CENPC: variants seen among roughly 807,000 people sequenced by gnomAD.
CENPC encodes centromere protein C.
A neutral mutation model predicts 112.1 loss-of-function variants in CENPC; 63 were observed. The ratio of observed to expected loss-of-function variants is 0.56; its 90% CI spans 0.46 to 0.69. The LOEUF (loss-of-function observed/expected upper bound fraction) is 0.69. CENPC is among the 30% of genes least tolerant of loss of function. The pLI is 0.00. For synonymous variants in CENPC, 333 were observed against 367.6 expected, an observed-to-expected ratio of 0.91 and a Z score of 1.08; for missense variants, 1,000 against 1,103.8, an observed-to-expected ratio of 0.91 and a Z score of 1.33.
At chr4:67,516,666 C>A (rs921338893) in intron 7 of CENPC, among the ~76,000 whole-genome samples, 1 of 151,830 alleles carries the variant, frequency 6.6e-6, no homozygotes, top group Non-Finnish European at 1.5e-5. Context: ...AAAGTCAATA[C>A]AAATACTACA....
At chr4:67,490,865 TATATATATATATAG>T (rs1725236665) in intron 16 of CENPC, among the ~76,000 whole-genome samples, 1 of 23,688 alleles carries the variant, frequency 4.2e-5, no homozygotes, top group South Asian at 2.0e-3. Flanking sequence ...TATATATATA[TATATATATATATAG>T]AAATATATAG....
chr4:67,532,560 T>C (rs1347695672), intron 4 of CENPC, among the ~76,000 whole-genome samples: 4 of 152,312 alleles, frequency 2.6e-5, no homozygotes, highest in South Asian at 4.1e-4. Flanking sequence ...TGGAATACTA[T>C]GCAGCCATAA....
chr4:67,532,317 A>G (rs1200360265), intron 4 of CENPC, among the ~76,000 whole-genome samples: 1 of 152,184 alleles, frequency 6.6e-6, no homozygotes, highest in East Asian at 1.9e-4. Context: ...AACTAGTTCA[A>G]CCATTGTGGA....
intron 12 of CENPC, among the ~76,000 whole-genome samples, chr4:67,504,260 A>C (rs77506922): frequency 0.018 from 2,787 of 152,194 alleles, 69 homozygotes; most frequent in East Asian, 0.097. Flanking sequence ...TACATAGCAA[A>C]ATCTATCAAA....
At chr4:67,491,863 A>G (rs916409519) in intron 16 of CENPC, among the ~76,000 whole-genome samples, 4 of 152,060 alleles carry the variant, frequency 2.6e-5, no homozygotes, top group African/African-American at 9.7e-5. Flanking sequence ...TTCCCCATAA[A>G]CAGCCTCTGT....
chr4:67,504,326 G>T (rs1053169465), intron 12 of CENPC, among the ~76,000 whole-genome samples: 2 of 151,598 alleles, frequency 1.3e-5, no homozygotes, highest in Admixed American at 1.3e-4. Context: ...CAAAGAAAAA[G>T]CAGAAAAACA....
chr4:67,526,999 C>T (rs1473854309), intron 5 of CENPC, among the ~76,000 whole-genome samples: 1 of 151,950 alleles, frequency 6.6e-6, no homozygotes, highest in Non-Finnish European at 1.5e-5. Flanking sequence ...ATGAAATTAC[C>T]AAACACTGGA....
chr4:67,515,256 A>C (rs894406087), intron 7 of CENPC, among the ~76,000 whole-genome samples: 7 of 150,198 alleles, frequency 4.7e-5, no homozygotes, highest in Non-Finnish European at 8.8e-5. Context: ...ACTTGAGGTC[A>C]GGAGTTCAAG....
rs1384566383 is a variant in CENPC, at chr4:67,468,979, T to C, written c.*3626A>G. ...AATATTACAGAGATGAAGAACAAAT[T>C]AGTGATGATGAAACAGTTCTATGTT... is the stretch of plus-strand genomic sequence containing the variant. On this transcript the variant is annotated 3_prime_UTR_variant, in exon 19 of 19. Coordinates refer to ENST00000273853, the MANE Select transcript of CENPC (RefSeq NM_001812.4). 6.6e-6 allele frequency: 1 copy of C among 152,164 alleles called. No homozygotes were observed. The highest frequency in any genetic ancestry group is 2.4e-5 in the African/African-American group (1 of 41,434). The allele number at this position is 152,164 out of a possible 1,614,324, so 9.4% of individuals were successfully genotyped here.
intron 5 of CENPC, among the ~76,000 whole-genome samples, chr4:67,529,511 A>G (rs1825791): frequency 0.22 from 33,966 of 151,740 alleles, 4,336 homozygotes; most frequent in Middle Eastern, 0.36. Context: ...TTTTTAGTAG[A>G]GATGGAGTTT....
Position 67,469,840 on chromosome 4 carries a change from A to G in CENPC, c.*2765T>C, listed in dbSNP as rs1338449622. 2 of 152,206 alleles carry G rather than the reference A, an allele frequency of 1.3e-5. No individual in the cohort carries two copies. The highest frequency in any genetic ancestry group is 2.9e-5 in the Non-Finnish European group (2 of 68,030). 9.4% of individuals were successfully genotyped at this position (152,206 alleles called of 1,614,324 possible). A position where few individuals can be genotyped will look rare whatever the true frequency, so the allele number is the denominator to read the frequency against. ...AATGGGCACAGAAAGATCACAATTT[A>G]GGGCTGTTGAGAAAACTGAATTGTG... On this transcript the variant is annotated 3_prime_UTR_variant, in exon 19 of 19. Transcript: ENST00000273853.
chr4:67,522,449 C>CT (rs1411427498), intron 5 of CENPC, among the ~76,000 whole-genome samples: 13 of 152,166 alleles, frequency 8.5e-5, no homozygotes, highest in Non-Finnish European at 1.9e-4. Flanking sequence ...GGCTGGGAGT[C>CT]TTTTCTCTCC....
At chr4:67,485,685 T>C (rs1208173486) in intron 17 of CENPC, among the ~76,000 whole-genome samples, 2 of 152,200 alleles carry the variant, frequency 1.3e-5, no homozygotes, top group African/African-American at 4.8e-5. Flanking sequence ...TACTACTTTG[T>C]ACAATGATCA....
rs573437480 is a variant in CENPC, at chr4:67,469,576, C to G, written c.*3029G>C. On this transcript the variant is annotated 3_prime_UTR_variant, in exon 19 of 19. Coordinates refer to ENST00000273853, the MANE Select transcript of CENPC (RefSeq NM_001812.4). Reference sequence around the variant, plus strand: ...GCCAGGCTGGTCTCGAACTCCTGACCTCATGATCCACCCGACTTAGCCTCC... The same window carrying G: ...GCCAGGCTGGTCTCGAACTCCTGACGTCATGATCCACCCGACTTAGCCTCC... 6.6e-6 allele frequency: 1 copy of G among 152,512 alleles called. No individual in the cohort carries two copies. Among genetic ancestry groups the G allele is most frequent in the East Asian group, 1.9e-4 (1 of 5,186 alleles). The allele number at this position is 152,512 out of a possible 1,614,324, so 9.4% of individuals were successfully genotyped here.
intron 13 of CENPC, among the ~76,000 whole-genome samples, chr4:67,494,317 A>G (rs560330621): frequency 8.1e-4 from 124 of 152,212 alleles, no homozygotes; most frequent in Non-Finnish European, 1.5e-3. Context: ...GTTCTTACCT[A>G]TTTTTTGTTT....
In CENPC at chr4:67,493,006, TAAC is replaced by T. The variant is rs1725327126; in HGVS notation, c.2291-12_2291-10del. The T allele has an allele frequency of 6.6e-7, 1 of 1,506,868 alleles. No individual in the cohort carries two copies. The highest frequency in any genetic ancestry group is 1.3e-5 in the South Asian group (1 of 75,758). The allele number at this position is 1,506,868 out of a possible 1,614,324, so 93.3% of individuals were successfully genotyped here. A position where few individuals can be genotyped will look rare whatever the true frequency, so the allele number is the denominator to read the frequency against. On this transcript the variant is annotated splice_polypyrimidine_tract_variant and intron_variant, in intron 14 of 18. Coordinates refer to ENST00000273853, the MANE Select transcript of CENPC (RefSeq NM_001812.4). ...ACTAATCACGAATCCTCCTGAAATT[TAAC>T]AAAAAAAGTAAAATATACATGGGAA... is the stretch of plus-strand genomic sequence containing the variant.
In CENPC at chr4:67,474,881, G is replaced by T; in HGVS notation, c.2761+7C>A. The T allele has an allele frequency of 6.6e-7, 1 of 1,505,722 alleles. No homozygotes were observed. The highest frequency in any genetic ancestry group is 1.2e-5 in the South Asian group (1 of 82,510). The allele number at this position is 1,505,722 out of a possible 1,614,324, so 93.3% of individuals were successfully genotyped here. A position where few individuals can be genotyped will look rare whatever the true frequency, so the allele number is the denominator to read the frequency against. ...ACATGTTGTCTAAGTGAAATAAATT[G>T]TCTTACCTGAAGGAACATAGAACGA... On this transcript the variant is annotated splice_region_variant and intron_variant, in intron 18 of 18. Transcript: ENST00000273853.
intron 5 of CENPC, among the ~76,000 whole-genome samples, chr4:67,527,406 T>C (rs1413234664): frequency 4.0e-5 from 6 of 150,918 alleles, no homozygotes; most frequent in African/African-American, 9.7e-5. Flanking sequence ...ATAAAAAACA[T>C]CTATTAAAAA....
At chr4:67,508,011 A>G (rs914963238) in intron 10 of CENPC, among the ~76,000 whole-genome samples, 7 of 152,154 alleles carry the variant, frequency 4.6e-5, no homozygotes, top group African/African-American at 1.7e-4. Flanking sequence ...AACACAAAGT[A>G]TGTATTACCT....
Sources: gnomAD v4.1 joint callset for allele counts (sites outside exome capture counted in the v4.1 genomes callset) on GRCh38, gnomAD v4.1.1 for gene constraint, MANE v1.5 for transcripts, NCBI Gene and HGNC (gene_info 2026-07-23, HGNC 2026-07-21) for gene names.